Variants in F9 observed in about 807,000 individuals in gnomAD.
F9 encodes Christmas factor.
In F9, 2 loss-of-function variants were observed where a neutral mutation model predicts 34.1. The ratio of observed to expected loss-of-function variants is 0.06; its 90% CI spans 0.02 to 0.18. The LOEUF (loss-of-function observed/expected upper bound fraction) is 0.18, where lower values mean the gene tolerates loss of function less well. Ranked by LOEUF, F9 falls within the 10% of genes least tolerant of loss-of-function variation. The probability of loss-of-function intolerance (pLI) is 1.00; values close to 1 mark genes in which losing one functional copy is unlikely to be tolerated. For missense variants in F9, 216 were observed against 345.1 expected, an observed-to-expected ratio of 0.63 and a Z score of 2.96; for synonymous variants, 137 against 118.8, an observed-to-expected ratio of 1.15 and a Z score of -1.00.
At chrX:139,534,149 C>T (rs941090434) in intron 1 of F9, among the ~76,000 whole-genome samples, 1 of 111,538 alleles carries the variant, frequency 9.0e-6, no homozygotes, top group African/African-American at 3.3e-5. Context: ...AAGAGCTACA[C>T]AGAAGTTATT....
chrX:139,535,413 G>A (rs1927435810), intron 1 of F9, among the ~76,000 whole-genome samples: 1 of 111,467 alleles, frequency 9.0e-6, no homozygotes, highest in African/African-American at 3.3e-5. Context: ...AAAAAAGTGA[G>A]CCCAAAAGGA....
chrX:139,560,665 T>C, intron 6 of F9, 76 bp from the exon 7 acceptor site: 2 of 740,983 alleles, frequency 2.7e-6, no homozygotes, highest in Non-Finnish European at 4.3e-6. Flanking sequence ...TGCCTATTCC[T>C]GTAACCAGCA....
chrX:139,535,314 G>A (rs913622895), intron 1 of F9, among the ~76,000 whole-genome samples: 38 of 109,798 alleles, frequency 3.5e-4, no homozygotes, highest in Non-Finnish European at 2.7e-4. Context: ...AGCTGAGATC[G>A]CACCACTGCA....
Position 139,541,149 on chromosome X carries a change from T to A in F9, c.351T>A (p.Cys117Ter). The change falls in exon 4 of 8, where the codon TGT becomes TGA. Residue 117 changes from cysteine to a stop codon, truncating the protein, a stop_gained. Coordinates refer to ENST00000218099, the MANE Select transcript of F9 (RefSeq NM_000133.4). LOFTEE classifies it high-confidence loss of function. ...AGGATGACATTAATTCCTATGAATG[T>A]TGGTGTCCCTTTGGATTTGAAGGAA... ...SCKDDINSYE[C>*]WCPFGFEGKN... 8.3e-7 allele frequency: 1 copy of A among 1,198,670 alleles called. No individual in the cohort carries two copies. Among genetic ancestry groups the A allele is most frequent in the Non-Finnish European group, 1.1e-6 (1 of 885,902 alleles).
rs777361451 is a variant in F9 at position 139,563,197 on chromosome X, C to T, written c.*1126C>T. 3 of 110,416 alleles carry T rather than the reference C, an allele frequency of 2.7e-5. No homozygotes were observed. In the South Asian group the frequency reaches 1.2e-3, roughly 43 times the overall value. 9.1% of individuals were successfully genotyped at this position (110,416 alleles called of 1,213,427 possible). ...GTCTTCAGCAGTGTTCAGAGCCAAG[C>T]AAGAAGTTGAAGTTGCCTAGACCAG... On this transcript the variant is annotated 3_prime_UTR_variant, in exon 8 of 8. Transcript: ENST00000218099.
intron 6 of F9, among the ~76,000 whole-genome samples, chrX:139,559,680 C>T (rs141860112): frequency 1.5e-3 from 166 of 112,016 alleles, no homozygotes; most frequent in African/African-American, 5.2e-3. Flanking sequence ...ACAAAAAGAA[C>T]ATGCCCCAAG....
chrX:139,543,693 T>C (rs1027948610), intron 4 of F9, among the ~76,000 whole-genome samples: 1 of 111,909 alleles, frequency 8.9e-6, no homozygotes, highest in African/African-American at 3.2e-5. Flanking sequence ...TACTAACATT[T>C]GTAGTAGGCA....
chrX:139,557,063 A>G (rs1416296444), intron 6 of F9, among the ~76,000 whole-genome samples: 1 of 112,229 alleles, frequency 8.9e-6, no homozygotes, highest in Non-Finnish European at 1.9e-5. Flanking sequence ...GTGAATGTAT[A>G]TTTTGTAGAA....
At chrX:139,549,988 G>A (rs1282368899) in intron 5 of F9, among the ~76,000 whole-genome samples, 1 of 111,604 alleles carries the variant, frequency 9.0e-6, no homozygotes, top group Non-Finnish European at 1.9e-5. Flanking sequence ...GTGGGTGTGT[G>A]TCTGTGTATT....
At chrX:139,551,304 T>C (rs775125904) in intron 6 of F9, 40 bp downstream of exon 6, 31 of 1,120,553 alleles carry the variant, frequency 2.8e-5, no homozygotes, top group Non-Finnish European at 3.7e-5. Flanking sequence ...GGAGCTCAGC[T>C]GGCAAGACAC....
Position 139,533,955 on chromosome X carries a change from T to C in F9, c.89-3055T>C, listed in dbSNP as rs911236340. On this transcript the variant is annotated intron_variant, in intron 1 of 7. Transcript: ENST00000218099. ...TCAAGTGCTGGATGGATAACAGGAG[T>C]TAGAGCAAAGCGGGGAACCAGAATA... Among the ~76,000 whole-genome samples the C allele has an allele frequency of 1.8e-4, 20 of 111,240 alleles. No homozygotes were observed. The Admixed American group carries it at 1.8e-3, about 10-fold the overall frequency.
intron 4 of F9, among the ~76,000 whole-genome samples, chrX:139,547,110 G>A (rs2148360607): frequency 9.0e-6 from 1 of 111,617 alleles, no homozygotes; most frequent in South Asian, 3.7e-4. Flanking sequence ...CACAAGGATA[G>A]ACAAATAGAT....
intron 5 of F9, 123 bp downstream of exon 5, chrX:139,548,614 G>A: frequency 1.3e-6 from 1 of 743,053 alleles, no homozygotes; most frequent in Non-Finnish European, 1.9e-6. Context: ...GAAAATATCA[G>A]TAGCTTGAAT....
chrX:139,545,217 T>C (rs1927688712), intron 4 of F9: 1 of 111,999 alleles, frequency 8.9e-6, no homozygotes, highest in South Asian at 3.7e-4. Flanking sequence ...AGGATTTCTA[T>C]TGAAAGTTTT....
chrX:139,545,874 C>A (rs1411699484), intron 4 of F9, among the ~76,000 whole-genome samples: 1 of 110,649 alleles, frequency 9.0e-6, no homozygotes, highest in Non-Finnish European at 1.9e-5. Flanking sequence ...CAGCCAGCTT[C>A]AAGTTGCTTT....
At chrX:139,549,767 T>A (rs926875047) in intron 5 of F9, among the ~76,000 whole-genome samples, 1 of 112,507 alleles carries the variant, frequency 8.9e-6, no homozygotes, top group Non-Finnish European at 1.9e-5. Flanking sequence ...ATCACAGTGC[T>A]GCAGAGATTT....
intron 1 of F9, among the ~76,000 whole-genome samples, chrX:139,532,110 G>A (rs938098716): frequency 9.0e-6 from 1 of 111,626 alleles, no homozygotes; most frequent in Non-Finnish European, 1.9e-5. Context: ...ATAAGAATAA[G>A]GATGAACCAG....
At chrX:139,532,713 A>G (rs1258834443) in intron 1 of F9, among the ~76,000 whole-genome samples, 1 of 112,042 alleles carries the variant, frequency 8.9e-6, no homozygotes, top group Non-Finnish European at 1.9e-5. Context: ...CTGGGTCTTA[A>G]AAGATGAGTA....
At chrX:139,532,160 G>C (rs1364320227) in intron 1 of F9, among the ~76,000 whole-genome samples, 1 of 111,686 alleles carries the variant, frequency 9.0e-6, no homozygotes, top group Non-Finnish European at 1.9e-5. Flanking sequence ...CGATAAACCT[G>C]AAGGGAAGTT....
Sources: gnomAD v4.1 joint callset for allele counts (sites outside exome capture counted in the v4.1 genomes callset) on GRCh38, gnomAD v4.1.1 for gene constraint, MANE v1.5 for transcripts, NCBI Gene and HGNC (gene_info 2026-07-23, HGNC 2026-07-21) for gene names.